The following GEMIN5 variants were observed in gnomAD, a reference collection of about 807,000 sequenced individuals.
GEMIN5 encodes the protein gem-associated protein 5.
A neutral mutation model predicts 176.9 loss-of-function variants in GEMIN5; 124 were observed. The ratio of observed to expected loss-of-function variants is 0.70; its 90% CI spans 0.61 to 0.81. GEMIN5 has a LOEUF of 0.81. Among genes scored for constraint, GEMIN5 ranks in the 40% least tolerant of loss-of-function variants. The probability of loss-of-function intolerance (pLI) is 0.00; values close to 1 mark genes in which losing one functional copy is unlikely to be tolerated. For missense variants in GEMIN5, 1,843 were observed against 1,814.6 expected (o/e 1.02, Z -0.28); for synonymous variants, 673 against 665.2 (o/e 1.01, Z -0.18).
intron 13 of GEMIN5, among the ~76,000 whole-genome samples, chr5:154,915,012 G>T (rs1763783589): frequency 6.6e-6 from 1 of 152,026 alleles, no homozygotes; most frequent in African/African-American, 2.4e-5. Flanking sequence ...AATTAAAATG[G>T]ATTCTGGCAG....
intron 11 of GEMIN5, 93 bp from the exon 12 acceptor site, chr5:154,918,097 C>T (rs111722966): frequency 4.2e-4 from 315 of 753,770 alleles, no homozygotes; most frequent in Non-Finnish European, 3.7e-4. Context: ...AGTTTAAAAA[C>T]GTTTTAATTA....
intron 23 of GEMIN5, among the ~76,000 whole-genome samples, chr5:154,897,668 G>A (rs531552561): frequency 7.9e-4 from 120 of 152,174 alleles, no homozygotes; most frequent in African/African-American, 2.8e-3. Context: ...TTTATTTTTA[G>A]TAGAGACAAG....
At chr5:154,927,128 AC>A (rs1259588864) in intron 7 of GEMIN5, among the ~76,000 whole-genome samples, 2 of 151,978 alleles carry the variant, frequency 1.3e-5, no homozygotes, top group African/African-American at 4.8e-5. Context: ...GACAAGCTTG[AC>A]CTAATACATC....
At chr5:154,930,395 A>G (rs575590000) in intron 5 of GEMIN5, among the ~76,000 whole-genome samples, 1 of 152,348 alleles carries the variant, frequency 6.6e-6, no homozygotes, top group Non-Finnish European at 1.5e-5. Flanking sequence ...AATTAAAAAG[A>G]AAGTTTTATA....
At chr5:154,932,373 G>A (rs373111599) in intron 3 of GEMIN5, 123 bp from the exon 4 acceptor site, 10 of 653,444 alleles carry the variant, frequency 1.5e-5, no homozygotes, top group African/African-American at 7.4e-5. Context: ...TGGGGTGGCG[G>A]AGGAGGGAAG....
intron 3 of GEMIN5, 23 bp from the exon 4 acceptor site, chr5:154,932,273 A>G (rs747529525): frequency 2.4e-5 from 37 of 1,562,872 alleles, no homozygotes; most frequent in Non-Finnish European, 3.1e-5. Flanking sequence ...AGTTAGAAAT[A>G]TTACTAAAAA....
At chr5:154,924,639 A>G in intron 8 of GEMIN5, 85 bp from the exon 9 acceptor site, 2 of 816,364 alleles carry the variant, frequency 2.4e-6, no homozygotes, top group Non-Finnish European at 2.1e-6. Flanking sequence ...TTAAGCATCC[A>G]AAGGGAAAAC....
chr5:154,887,542 A>G lies in GEMIN5; in HGVS notation c.*668T>C, dbSNP rs1000282536. 2.0e-5 allele frequency: 3 copies of G among 152,332 alleles called. No homozygotes were observed. The highest frequency in any genetic ancestry group is 7.2e-5 in the African/African-American group (3 of 41,568). The allele number at this position is 152,332 out of a possible 1,614,324, so 9.4% of individuals were successfully genotyped here. ...GACTGCCATCAATCCATTTGTTATAAAACTGAAGGGAAAACACACATTTGA... is the reference window on the plus strand; with the variant it reads ...GACTGCCATCAATCCATTTGTTATAGAACTGAAGGGAAAACACACATTTGA... On this transcript the variant is annotated 3_prime_UTR_variant, in exon 28 of 28. Transcript: ENST00000285873.
chr5:154,891,293 T>G lies in GEMIN5; in HGVS notation c.4210A>C (p.Asn1404His). The change falls in exon 26 of 28, where the codon AAT becomes CAT. Residue 1404 changes from asparagine (N) to histidine (H), a missense_variant. Physicochemically the swap from Asn to His is moderately conservative, Grantham distance 68. Coordinates refer to ENST00000285873, the MANE Select transcript of GEMIN5 (RefSeq NM_015465.5). The stretch of plus-strand genomic sequence containing the variant: ...TGCTCTGCTTCTACTTCCGGTTCAT[T>G]CTTATCAGGACCATTTGCTGTGGAT... Reference protein sequence around the residue: ...CKSTANGPDKNEPEVEAEQPL... With the variant: ...CKSTANGPDKHEPEVEAEQPL... The G allele has an allele frequency of 1.2e-6, 2 of 1,614,094 alleles. No homozygotes were observed.
chr5:154,927,970 G>A (rs1418778880), intron 6 of GEMIN5, among the ~76,000 whole-genome samples: 1 of 151,196 alleles, frequency 6.6e-6, no homozygotes, highest in Non-Finnish European at 1.5e-5. Flanking sequence ...CAGCCTGGGT[G>A]ACAGAGCAAG....
Position 154,920,094 on chromosome 5 carries a change from CCTT to C in GEMIN5, c.1469_1471del (p.Glu490del). 11 of 1,608,242 alleles carry C rather than the reference CCTT, an allele frequency of 6.8e-6. No individual in the cohort carries two copies. Among genetic ancestry groups the C allele is most frequent in the Non-Finnish European group, 9.3e-6 (11 of 1,177,970 alleles). ...GTATAAAGCAAGGGAAGGTCTGTCT[CCTT>C]CTCCTCCTGTATGAAATAAGAAAAG... On this transcript the variant is annotated inframe_deletion, in exon 11 of 28. Transcript: ENST00000285873.
At position 154,932,233 on chromosome 5, in the gene GEMIN5, A is replaced by C; in HGVS notation, c.527T>G (p.Val176Gly). The C allele has an allele frequency of 6.2e-7, 1 of 1,608,626 alleles. No individual in the cohort carries two copies. The highest frequency in any genetic ancestry group is 1.1e-5 in the South Asian group (1 of 90,586). The change falls in exon 4 of 28, where the codon GTG becomes GGG. Residue 176 changes from valine (V) to glycine (G), a missense_variant. Transcript: ENST00000285873. ...LVAIGYKDGIVVIIDISKKGE... is the reference protein window; with the variant it reads ...LVAIGYKDGIGVIIDISKKGE... ...TTTCTTACTGATGTCAATTATCACCACTATGCCATCCTTGTAGCTAAAAAA... is the reference window on the plus strand; with the variant it reads ...TTTCTTACTGATGTCAATTATCACCCCTATGCCATCCTTGTAGCTAAAAAA...
At chr5:154,936,348 C>A (rs1392482284) in intron 2 of GEMIN5, among the ~76,000 whole-genome samples, 1 of 6,338 alleles carries the variant, frequency 1.6e-4, no homozygotes, top group African/African-American at 2.5e-4. Context: ...ACCCAGGAGG[C>A]GGAGCTTGCA....
chr5:154,931,463 C>T lies in GEMIN5; in HGVS notation c.776G>A (p.Gly259Asp). ...QTIRIWSCSR[G>D]RGVMILKLPF... is the part of the protein sequence containing the mutation. ...AAAAGAAAGATCAATCTTACCTCGG[C>T]CTCTAGAACAGCTCCAGATTCGAAT... is the stretch of plus-strand genomic sequence containing the variant. Residue 259 changes from glycine (G) to aspartate (D), a missense_variant, in exon 5 of 28, where the codon GGC becomes GAC. Physicochemically the swap from Gly to Asp is moderately conservative, Grantham distance 94 (BLOSUM62 -1). Coordinates refer to ENST00000285873, the MANE Select transcript of GEMIN5 (RefSeq NM_015465.5). 1 of 1,607,110 alleles carries T rather than the reference C, an allele frequency of 6.2e-7. No homozygotes were observed. Among genetic ancestry groups the T allele is most frequent in the Non-Finnish European group, 8.5e-7 (1 of 1,175,366 alleles).
intron 11 of GEMIN5, 29 bp downstream of exon 11, chr5:154,919,938 G>A: frequency 6.2e-7 from 1 of 1,600,922 alleles, no homozygotes; most frequent in Non-Finnish European, 8.5e-7. Flanking sequence ...GATGTAAAAA[G>A]AAAATACTTC....
intron 25 of GEMIN5, 131 bp from the exon 26 acceptor site, chr5:154,891,873 A>C: frequency 2.3e-6 from 2 of 856,400 alleles, no homozygotes; most frequent in Non-Finnish European, 3.6e-6. Context: ...AGTGTGATCC[A>C]CCGGGCCACA....
chr5:154,891,930 GCGACAGTGTTCTCATTA>G (rs1253262179), intron 25 of GEMIN5, among the ~76,000 whole-genome samples, 188 bp from the exon 26 acceptor site: 2 of 151,882 alleles, frequency 1.3e-5, no homozygotes, highest in African/African-American at 2.4e-5. Flanking sequence ...TTCCTGGCTT[GCGACAGTGTTCTCATTA>G]CTACATCCTA....
At chr5:154,922,175 T>C (rs1231446839) in intron 9 of GEMIN5, among the ~76,000 whole-genome samples, 1 of 152,270 alleles carries the variant, frequency 6.6e-6, no homozygotes, top group Non-Finnish European at 1.5e-5. Flanking sequence ...ATTTTCTTTT[T>C]TTCTGTTTTA....
chr5:154,932,466 T>C (rs1021391638), intron 3 of GEMIN5, among the ~76,000 whole-genome samples: 6 of 152,228 alleles, frequency 3.9e-5, no homozygotes, highest in African/African-American at 1.4e-4. Flanking sequence ...CTTCTCTCTA[T>C]GATCAAACTC....
Sources: gnomAD v4.1 joint callset for allele counts (sites outside exome capture counted in the v4.1 genomes callset) on GRCh38, gnomAD v4.1.1 for gene constraint, MANE v1.5 for transcripts, NCBI Gene and HGNC (gene_info 2026-07-23, HGNC 2026-07-21) for gene names.